CES1: variants seen among roughly 807,000 people sequenced by gnomAD.
CES1 encodes carboxylesterase 1, also known as liver carboxylesterase 1.
A neutral mutation model predicts 53.0 loss-of-function variants in CES1; 50 were observed. The ratio of observed to expected loss-of-function variants is 0.94; its 90% CI spans 0.75 to 1.19. The LOEUF (loss-of-function observed/expected upper bound fraction) is 1.19. Ranked by LOEUF, CES1 falls within the 50% of genes most tolerant of loss-of-function variation. The probability of loss-of-function intolerance (pLI) is 0.00; values close to 1 mark genes in which losing one functional copy is unlikely to be tolerated. For missense variants in CES1, 534 were observed against 538.0 expected (o/e 0.99, Z 0.07); for synonymous variants, 202 against 210.1 (o/e 0.96, Z 0.33).
chr16:55,825,643 G>A (rs2032387392), intron 3 of CES1, among the ~76,000 whole-genome samples: 1 of 152,232 alleles, frequency 6.6e-6, no homozygotes, highest in South Asian at 2.1e-4. Context: ...CTGGAGAAAG[G>A]CCACATACAA....
intron 2 of CES1, among the ~76,000 whole-genome samples, chr16:55,826,854 A>C (rs1359115691): frequency 6.6e-6 from 1 of 152,208 alleles, no homozygotes; most frequent in Non-Finnish European, 1.5e-5. Flanking sequence ...TCAAGGATGC[A>C]ACATAGATGA....
chr16:55,827,131 C>T (rs1385659944), intron 2 of CES1, among the ~76,000 whole-genome samples: 12 of 152,000 alleles, frequency 7.9e-5, no homozygotes, highest in Non-Finnish European at 1.2e-4. Context: ...CAGTCATCAC[C>T]GCCCCCACTA....
intron 2 of CES1, among the ~76,000 whole-genome samples, chr16:55,827,650 T>C (rs2032471873): frequency 6.6e-6 from 1 of 152,216 alleles, no homozygotes; most frequent in South Asian, 2.1e-4. Context: ...CATATATAAC[T>C]TAATGACCCC....
intron 11 of CES1, among the ~76,000 whole-genome samples, chr16:55,809,653 GC>G (rs1320851841): frequency 1.3e-5 from 2 of 152,112 alleles, no homozygotes; most frequent in East Asian, 3.8e-4. Flanking sequence ...GCACTGAGAT[GC>G]ATAAAAACCA....
intron 7 of CES1, 54 bp downstream of exon 7, chr16:55,819,481 A>G: frequency 3.8e-6 from 5 of 1,320,014 alleles, no homozygotes; most frequent in Non-Finnish European, 5.5e-6. Context: ...AGCTGAAATG[A>G]AGAAGTCTGG....
chr16:55,817,983 T>C (rs1327565633), intron 7 of CES1, among the ~76,000 whole-genome samples: 1 of 152,208 alleles, frequency 6.6e-6, no homozygotes, highest in African/African-American at 2.4e-5. Context: ...TAGAAAACAG[T>C]TGTGTTTTCA....
In CES1 at chr16:55,816,963, C is replaced by T. The variant is rs140353865; in HGVS notation, c.907-1G>A. The T allele has an allele frequency of 6.2e-7, 1 of 1,614,158 alleles. No homozygotes were observed. Among genetic ancestry groups the T allele is most frequent in the Non-Finnish European group, 8.5e-7 (1 of 1,180,016 alleles). On this transcript the variant is annotated splice_acceptor_variant, in intron 7 of 13. Coordinates refer to ENST00000360526, the MANE Select transcript of CES1 (RefSeq NM_001025195.2). LOFTEE classifies it high-confidence loss of function. Reference sequence around the variant, plus strand: ...CCTGTAAGTCCAGAGATAAGAATTTCTGTGAAGACAAAGGCAGAGGATGTG... The same window carrying T: ...CCTGTAAGTCCAGAGATAAGAATTTTTGTGAAGACAAAGGCAGAGGATGTG...
intron 6 of CES1, chr16:55,820,048 C>A: frequency 1.8e-6 from 1 of 569,220 alleles, no homozygotes; most frequent in South Asian, 2.0e-5. Context: ...CAACATGGCA[C>A]CAGGCCCTGG....
intron 3 of CES1, among the ~76,000 whole-genome samples, chr16:55,825,151 A>G (rs550198233): frequency 6.6e-6 from 1 of 151,956 alleles, no homozygotes; most frequent in South Asian, 2.1e-4. Context: ...AACTGTGTAT[A>G]TGGGGCACTG....
chr16:55,813,780 G>A (rs1264713956), intron 8 of CES1, among the ~76,000 whole-genome samples: 1 of 152,128 alleles, frequency 6.6e-6, no homozygotes, highest in African/African-American at 2.4e-5. Context: ...GCTACTCTTG[G>A]GTTCGCTCTA....
In CES1 at chr16:55,833,029, G is replaced by A. The variant is rs192718452; in HGVS notation, c.27C>T (p.Ala9=). ...CCCAAGCCGCGGAAGCAGAGAGAGT[G>A]GCCAGGATAAAGGCACGGAGCCACA... is the stretch of plus-strand genomic sequence containing the variant. MWLRAFIL[A]TLSASAAWAG... is the part of the protein sequence containing the mutation. The change falls in exon 1 of 14, where the codon GCC becomes GCT. Residue 9 remains alanine (A), a synonymous_variant. Transcript: ENST00000360526. 1 of 1,556,464 alleles carries A rather than the reference G, an allele frequency of 6.4e-7. No homozygotes were observed. The highest frequency in any genetic ancestry group is 2.4e-5 in the East Asian group (1 of 41,800).
intron 8 of CES1, among the ~76,000 whole-genome samples, chr16:55,814,782 A>G (rs1402674905): frequency 1.3e-5 from 2 of 152,238 alleles, no homozygotes; most frequent in Non-Finnish European, 2.9e-5. Context: ...ACAAAAGCCA[A>G]TGAATGACGA....
chr16:55,825,106 A>T lies in CES1; in HGVS notation c.405+1045T>A, dbSNP rs561421105. On this transcript the variant is annotated intron_variant, in intron 3 of 13. Coordinates refer to ENST00000360526, the MANE Select transcript of CES1 (RefSeq NM_001025195.2). Reference sequence around the variant, plus strand: ...TGAAGGCAGGGGCTGTGTGGAGTGGATTCATGTTCCTCCTTTCCCTGAAGC... The same window carrying T: ...TGAAGGCAGGGGCTGTGTGGAGTGGTTTCATGTTCCTCCTTTCCCTGAAGC... Among the ~76,000 whole-genome samples the T allele has an allele frequency of 2.6e-5, 4 of 152,332 alleles. No homozygotes were observed. The East Asian group carries it at 7.7e-4, about 29-fold the overall frequency.
chr16:55,815,069 GGAGT>G (rs1356446032), intron 8 of CES1, among the ~76,000 whole-genome samples: 2 of 152,226 alleles, frequency 1.3e-5, no homozygotes, highest in Admixed American at 6.5e-5. Context: ...GGTGAGGAAA[GGAGT>G]GAGAATTTCT....
intron 1 of CES1, among the ~76,000 whole-genome samples, chr16:55,830,959 T>C (rs2032641079): frequency 6.6e-6 from 1 of 152,040 alleles, no homozygotes; most frequent in Admixed American, 6.6e-5. Context: ...TGGCTTGTAA[T>C]GCTGGATCCC....
At position 55,810,531 on chromosome 16, in the gene CES1, G is replaced by T; in HGVS notation, c.1304C>A (p.Ala435Asp). The T allele has an allele frequency of 6.2e-7, 1 of 1,614,132 alleles. No individual in the cohort carries two copies. The highest frequency in any genetic ancestry group is 1.1e-5 in the South Asian group (1 of 91,080). ...VMFGVPSVIV[A>D]RNHRDAGAPT... ...CTGGGACTCACCTCTGTGGTTCCGGGCCACAATCACAGATGGGACACCAAA... is the reference window on the plus strand; with the variant it reads ...CTGGGACTCACCTCTGTGGTTCCGGTCCACAATCACAGATGGGACACCAAA... The change falls in exon 11 of 14, where the codon GCC becomes GAC. Residue 435 changes from alanine to aspartate, a missense_variant. By Grantham distance (126) the Ala-to-Asp change is moderately radical. Transcript: ENST00000360526.
At chr16:55,818,848 C>A (rs563010501) in intron 7 of CES1, among the ~76,000 whole-genome samples, 3 of 151,546 alleles carry the variant, frequency 2.0e-5, no homozygotes, top group East Asian at 1.9e-4. Flanking sequence ...AGCAGACAGG[C>A]GATAATTGGA....
chr16:55,817,014 T>G, intron 7 of CES1, 52 bp from the exon 8 acceptor site: 1 of 1,597,230 alleles, frequency 6.3e-7, no homozygotes, highest in Non-Finnish European at 8.6e-7. Context: ...AGGAGAACAC[T>G]GAGCTGGGTG....
chr16:55,823,948 T>G (rs1169912315), intron 3 of CES1, among the ~76,000 whole-genome samples: 8 of 152,256 alleles, frequency 5.3e-5, no homozygotes, highest in Non-Finnish European at 1.0e-4. Context: ...GAAAGGCTCT[T>G]GATGCTGAGA....
Sources: allele counts gnomAD v4.1 joint callset (sites outside exome capture counted in the v4.1 genomes callset), GRCh38; gene constraint gnomAD v4.1.1; transcripts MANE v1.5; gene names NCBI Gene and HGNC (gene_info 2026-07-23, HGNC 2026-07-21).